Variants in NRG1 observed in about 807,000 individuals in gnomAD.
NRG1 encodes the protein pro-neuregulin-1, membrane-bound isoform.
Under a neutral mutation model 63.8 loss-of-function variants are expected in NRG1, and 18 were observed. The ratio of observed to expected loss-of-function variants is 0.28; its 90% CI spans 0.19 to 0.42. The LOEUF is 0.42. Among genes scored for constraint, NRG1 ranks in the 10% least tolerant of loss-of-function variants. NRG1 has a pLI of 1.00. For missense variants in NRG1, 762 were observed against 814.7 expected, an observed-to-expected ratio of 0.94 and a Z score of 0.79; for synonymous variants, 302 against 301.3, an observed-to-expected ratio of 1.00 and a Z score of -0.02.
intron 1 of NRG1, among the ~76,000 whole-genome samples, chr8:32,284,797 C>T (rs1442380180): frequency 6.6e-6 from 1 of 152,172 alleles, no homozygotes; most frequent in Non-Finnish European, 1.5e-5. Flanking sequence ...AATCCTCTTG[C>T]TTCAAGGTCC....
At chr8:32,570,758 T>C (rs374649815) in intron 1 of NRG1, among the ~76,000 whole-genome samples, 12 of 152,236 alleles carry the variant, frequency 7.9e-5, no homozygotes, top group African/African-American at 2.9e-4. Context: ...AAGTGTCACA[T>C]ACATTATTTT....
intron 1 of NRG1, among the ~76,000 whole-genome samples, chr8:32,170,227 A>G (rs904272782): frequency 3.3e-5 from 5 of 152,200 alleles, no homozygotes; most frequent in Admixed American, 6.5e-5. Flanking sequence ...CACAAATCCT[A>G]GGAATTTGAT....
chr8:32,604,417 A>G (rs1379347832), intron 2 of NRG1, among the ~76,000 whole-genome samples: 1 of 152,194 alleles, frequency 6.6e-6, no homozygotes, highest in Non-Finnish European at 1.5e-5. Context: ...CAGAAAATTC[A>G]CCAGAAAACT....
At chr8:32,265,724 A>T (rs6991539) in intron 1 of NRG1, among the ~76,000 whole-genome samples, 87,944 of 151,518 alleles carry the variant, frequency 0.58, 25,721 homozygotes, top group East Asian at 0.81. Flanking sequence ...GCATCTGTAG[A>T]CCCAGCTACT....
intron 1 of NRG1, among the ~76,000 whole-genome samples, chr8:32,540,599 T>A (rs1400834422): frequency 6.6e-6 from 1 of 152,218 alleles, no homozygotes; most frequent in East Asian, 1.9e-4. Context: ...AACTGCTTTA[T>A]GGGATCACAG....
intron 1 of NRG1, among the ~76,000 whole-genome samples, chr8:31,755,498 C>A (rs1209157393): frequency 6.6e-6 from 1 of 152,044 alleles, no homozygotes; most frequent in Non-Finnish European, 1.5e-5. Context: ...GAGTGACTAG[C>A]AAGTGTTCAA....
chr8:32,518,690 A>G (rs571385118), intron 1 of NRG1, among the ~76,000 whole-genome samples: 1 of 152,322 alleles, frequency 6.6e-6, no homozygotes, highest in South Asian at 2.1e-4. Flanking sequence ...AAGTTCACAG[A>G]CATAAGATTT....
Position 32,598,342 on chromosome 8 carries a change from C to T in NRG1, c.278+2337C>T, listed in dbSNP as rs180831881. Among the ~76,000 whole-genome samples the T allele has an allele frequency of 8.3e-4, 123 of 148,912 alleles. No homozygotes were observed. The Middle Eastern group carries it at 0.021, about 25-fold the overall frequency. On this transcript the variant is annotated intron_variant, in intron 2 of 11. Transcript: ENST00000356819. ...TACCTGGAGAGAAGCAAATGAAGTT[C>T]GGTAGATAAGATGAGAAAATGAATT... is the stretch of plus-strand genomic sequence containing the variant.
At chr8:31,672,744 A>G (rs1472743437) in intron 1 of NRG1, among the ~76,000 whole-genome samples, 1 of 152,130 alleles carries the variant, frequency 6.6e-6, no homozygotes, top group Non-Finnish European at 1.5e-5. Flanking sequence ...AACAAGGAAA[A>G]ATAATTTAAC....
At chr8:32,140,259 A>T (rs1238688661) in intron 1 of NRG1, among the ~76,000 whole-genome samples, 3 of 150,254 alleles carry the variant, frequency 2.0e-5, no homozygotes, top group Admixed American at 6.7e-5. Context: ...GTGGTGTATC[A>T]TTTTTTTTTA....
At chr8:32,653,940 A>G (rs997971543) in intron 5 of NRG1, among the ~76,000 whole-genome samples, 24 of 151,790 alleles carry the variant, frequency 1.6e-4, no homozygotes, top group African/African-American at 5.8e-4. Flanking sequence ...ACTGCAGTGA[A>G]TTTTATCGTG....
At chr8:32,302,006 G>A (rs1855626995) in intron 1 of NRG1, among the ~76,000 whole-genome samples, 1 of 152,150 alleles carries the variant, frequency 6.6e-6, no homozygotes, top group Admixed American at 6.6e-5. Context: ...CAATTTGCCT[G>A]GGAGGTCTGG....
chr8:32,499,625 G>T (rs907184708), intron 1 of NRG1, among the ~76,000 whole-genome samples: 2 of 152,264 alleles, frequency 1.3e-5, no homozygotes, highest in African/African-American at 4.8e-5. Context: ...AGTGAGCCAT[G>T]ATCACACCAC....
At chr8:32,749,003 G>C (rs1336442743) in intron 7 of NRG1, 2 of 185,088 alleles carry the variant, frequency 1.1e-5, no homozygotes, top group Non-Finnish European at 2.2e-5. Context: ...CAATGAGCAA[G>C]AAGTATTTGA....
chr8:31,891,380 G>A (rs372753943), intron 1 of NRG1, among the ~76,000 whole-genome samples: 21 of 152,238 alleles, frequency 1.4e-4, no homozygotes, highest in African/African-American at 5.1e-4. Context: ...AAAAGCACAT[G>A]AAAAGATGTT....
At chr8:32,385,120 T>C (rs1027250368) in intron 1 of NRG1, among the ~76,000 whole-genome samples, 6 of 152,004 alleles carry the variant, frequency 3.9e-5, no homozygotes, top group African/African-American at 7.2e-5. Flanking sequence ...CCCAGGTGCA[T>C]GCCATTCTCC....
At chr8:32,213,459 C>T (rs1408608210) in intron 1 of NRG1, among the ~76,000 whole-genome samples, 2 of 151,796 alleles carry the variant, frequency 1.3e-5, no homozygotes, top group Non-Finnish European at 2.9e-5. Context: ...TGGGGCCTGT[C>T]GGGGAGCATG....
intron 5 of NRG1, among the ~76,000 whole-genome samples, chr8:32,645,380 A>G (rs1853298455): frequency 1.3e-5 from 2 of 152,192 alleles, no homozygotes; most frequent in African/African-American, 4.8e-5. Flanking sequence ...TTGCTCATAA[A>G]CTTGTCATAG....
chr8:32,046,527 A>G (rs1055553817), intron 1 of NRG1, among the ~76,000 whole-genome samples: 8 of 152,136 alleles, frequency 5.3e-5, no homozygotes, highest in African/African-American at 1.9e-4. Flanking sequence ...CATATTTGTC[A>G]AAAATTGACA....
Sources: gnomAD v4.1 joint callset for allele counts (sites outside exome capture counted in the v4.1 genomes callset) on GRCh38, gnomAD v4.1.1 for gene constraint, MANE v1.5 for transcripts, NCBI Gene and HGNC (gene_info 2026-07-23, HGNC 2026-07-21) for gene names.